The following PLAGL1 variants were observed in gnomAD, a reference collection of about 807,000 sequenced individuals.
The protein encoded by PLAGL1 is zinc finger protein PLAGL1.
A neutral mutation model predicts 4.6 loss-of-function variants in PLAGL1; 1 was observed. The ratio of observed to expected loss-of-function variants is 0.22; its 90% CI spans 0.08 to 1.03. PLAGL1 has a LOEUF of 1.03. Ranked by LOEUF, PLAGL1 falls within the 50% of genes least tolerant of loss-of-function variation. The probability of loss-of-function intolerance (pLI) is 0.58; values close to 1 mark genes in which losing one functional copy is unlikely to be tolerated. For synonymous variants in PLAGL1, 240 were observed against 237.8 expected (o/e 1.01, Z -0.08); for missense variants, 464 against 570.4 (o/e 0.81, Z 1.90).
intron 1 of PLAGL1, chr6:144,037,720 T>C (rs1797357117): frequency 6.6e-6 from 1 of 152,202 alleles, no homozygotes; most frequent in Non-Finnish European, 1.5e-5. Flanking sequence ...TTTATTTCTA[T>C]ATTTTCTTAG....
At chr6:143,993,258 C>T (rs777398120) in intron 1 of PLAGL1, among the ~76,000 whole-genome samples, 2 of 151,328 alleles carry the variant, frequency 1.3e-5, no homozygotes, top group African/African-American at 2.4e-5. Context: ...GAGCCAAGAT[C>T]GCGCCACTGC....
chr6:143,992,999 A>AAC (rs918767522), intron 1 of PLAGL1, among the ~76,000 whole-genome samples: 1 of 149,432 alleles, frequency 6.7e-6, no homozygotes, highest in Non-Finnish European at 1.5e-5. Context: ...CAAACAAACA[A>AAC]ACACACACAC....
rs1235646039 is a variant in PLAGL1, at chr6:143,948,663, T to A, written c.-324-203A>T. On this transcript the variant is annotated intron_variant, in intron 6 of 7. Coordinates refer to ENST00000674357, the MANE Select transcript of PLAGL1 (RefSeq NM_001317162.2). The surrounding 1 kb of genome is among the most constrained non-coding windows in gnomAD (Gnocchi z 6.0). Reference sequence around the variant, plus strand: ...CAGAGGGTGAGGAGTCAAGCACTGATGGCCAGTGGAGCACACTTTCCCTCT... The same window carrying A: ...CAGAGGGTGAGGAGTCAAGCACTGAAGGCCAGTGGAGCACACTTTCCCTCT... 6.6e-6 allele frequency among the ~76,000 whole-genome samples: 1 copy of A among 152,148 alleles called. No individual in the cohort carries two copies. Among genetic ancestry groups the A allele is most frequent in the Admixed American group, 6.5e-5 (1 of 15,276 alleles).
In PLAGL1 at chr6:143,962,905, T is replaced by C. The variant is rs1783665498; in HGVS notation, c.-399+1882A>G. On this transcript the variant is annotated intron_variant, in intron 5 of 7. Transcript: ENST00000674357. This position sits in a 1 kb window ranked among gnomAD's most constrained non-coding sequence, Gnocchi z 5.3. ...GCTGAAGATGTACAAGGTTTGTTTTTGAAAAGCCTCTCGAATATGTTTTAT... is the reference window on the plus strand; with the variant it reads ...GCTGAAGATGTACAAGGTTTGTTTTCGAAAAGCCTCTCGAATATGTTTTAT... Among the ~76,000 whole-genome samples the C allele has an allele frequency of 6.6e-6, 1 of 152,284 alleles. No homozygotes were observed. Among genetic ancestry groups the C allele is most frequent in the Non-Finnish European group, 1.5e-5 (1 of 68,052 alleles).
At chr6:144,047,915 C>T (rs1798283029) in intron 1 of PLAGL1, among the ~76,000 whole-genome samples, 1 of 152,138 alleles carries the variant, frequency 6.6e-6, no homozygotes, top group Admixed American at 6.5e-5. Context: ...AAGGCAACTC[C>T]CTTCCTCCTA....
At chr6:143,943,620 CCTCT>C (rs1779129372) in intron 7 of PLAGL1, among the ~76,000 whole-genome samples, 2 of 151,520 alleles carry the variant, frequency 1.3e-5, no homozygotes, top group Admixed American at 6.6e-5. Flanking sequence ...TCAAATTTTC[CCTCT>C]AAGACACCTT....
intron 1 of PLAGL1, among the ~76,000 whole-genome samples, chr6:143,998,508 A>G (rs1792155208): frequency 6.6e-6 from 1 of 152,208 alleles, no homozygotes; most frequent in Non-Finnish European, 1.5e-5. Context: ...ACTTTGCAAA[A>G]TTGTAGCACA....
chr6:144,046,179 CT>C (rs1398892273), intron 1 of PLAGL1, among the ~76,000 whole-genome samples: 5 of 152,220 alleles, frequency 3.3e-5, no homozygotes, highest in Non-Finnish European at 5.9e-5. Flanking sequence ...CTGAAGCCTA[CT>C]TCTGTCAACT....
intron 1 of PLAGL1, among the ~76,000 whole-genome samples, chr6:144,042,577 C>T (rs1258057000): frequency 6.6e-6 from 1 of 152,090 alleles, no homozygotes; most frequent in African/African-American, 2.4e-5. Context: ...GTTACTGTAG[C>T]CTTATAGTAT....
In PLAGL1 at chr6:143,948,129, G is replaced by T. The variant is rs529372879; in HGVS notation, c.8C>A (p.Thr3Lys). The T allele has an allele frequency of 9.9e-6, 16 of 1,613,206 alleles. No individual in the cohort carries two copies. Among genetic ancestry groups the T allele is most frequent in the African/African-American group, 1.3e-5 (1 of 74,916 alleles). Residue 3 changes from threonine (T) to lysine (K), a missense_variant, in exon 7 of 8, where the codon ACG (threonine) becomes AAG (lysine). Around this residue, in one of 4 missense-constraint regions of PLAGL1, gnomAD observed 161 missense variants for 196.7 expected, o/e 0.82. Transcript: ENST00000674357. This position sits in a 1 kb window ranked among gnomAD's most constrained non-coding sequence, Gnocchi z 6.0. MATFPCQLCGKTF... is the reference protein window; with the variant it reads MAKFPCQLCGKTF... The stretch of plus-strand genomic sequence containing the variant: ...CTTGCCACATAACTGGCAGGGGAAC[G>T]TGGCCATGGGCTTTGCTTCTCACAC...
chr6:143,959,830 G>A lies in PLAGL1; in HGVS notation c.-325+639C>T, dbSNP rs969007148. On this transcript the variant is annotated intron_variant, in intron 6 of 7. Coordinates refer to ENST00000674357, the MANE Select transcript of PLAGL1 (RefSeq NM_001317162.2). The surrounding 1 kb of genome is among the most constrained non-coding windows in gnomAD (Gnocchi z 5.3). ...ATTAGCTTCTATTAATATCATTACT[G>A]GTGATGATGATAATGATGATGAACA... 2.0e-5 allele frequency among the ~76,000 whole-genome samples: 3 copies of A among 152,164 alleles called. No homozygotes were observed. Among genetic ancestry groups the A allele is most frequent in the Admixed American group, 6.5e-5 (1 of 15,280 alleles).
rs1781239919 is a variant in PLAGL1 at position 143,952,349 on chromosome 6, A to G, written c.-324-3889T>C. ...GTCATTCTGTTCTGTGACTTGACAT[A>G]GAAATTGCATTTGAGTCTTAAATAC... On this transcript the variant is annotated intron_variant, in intron 6 of 7. Transcript: ENST00000674357. The surrounding 1 kb of genome is among the most constrained non-coding windows in gnomAD (Gnocchi z 6.1). Among the ~76,000 whole-genome samples the G allele has an allele frequency of 6.6e-6, 1 of 152,248 alleles. No homozygotes were observed. The highest frequency in any genetic ancestry group is 6.5e-5 in the Admixed American group (1 of 15,280).
intron 1 of PLAGL1, among the ~76,000 whole-genome samples, chr6:144,021,256 A>G (rs1795959347): frequency 1.3e-5 from 2 of 152,220 alleles, no homozygotes; most frequent in Admixed American, 1.3e-4. Flanking sequence ...GATTTATTTG[A>G]TAACATTGTA....
intron 1 of PLAGL1, among the ~76,000 whole-genome samples, chr6:144,062,536 G>A (rs550375655): frequency 5.4e-4 from 81 of 149,452 alleles, no homozygotes; most frequent in African/African-American, 1.9e-3. Flanking sequence ...TTATATGTGT[G>A]GCTAGTACAG....
Position 143,963,777 on chromosome 6 carries a change from CT to C in PLAGL1, c.-399+1009del, listed in dbSNP as rs1276706659. 1.3e-5 allele frequency among the ~76,000 whole-genome samples: 2 copies of C among 152,232 alleles called. No homozygotes were observed. Among genetic ancestry groups the C allele is most frequent in the Non-Finnish European group, 2.9e-5 (2 of 68,046 alleles). ...TATTTCCTTCTCTTAATTCCCATAGCTACCTGCTGTTTGGGTGATGTTTTGC... is the reference window on the plus strand; with the variant it reads ...TATTTCCTTCTCTTAATTCCCATAGCACCTGCTGTTTGGGTGATGTTTTGC... On this transcript the variant is annotated intron_variant, in intron 5 of 7. Transcript: ENST00000674357. The surrounding 1 kb of genome is among the most constrained non-coding windows in gnomAD (Gnocchi z 6.1).
In PLAGL1 at chr6:144,027,292, A is replaced by AAAGAAAGAAAGAAAGT. The variant is rs752733300; in HGVS notation, c.-151+37175_-151+37176insACTTTCTTTCTTTCTT. Among the ~76,000 whole-genome samples the AAAGAAAGAAAGAAAGT allele has an allele frequency of 1.6e-3, 227 of 142,454 alleles. 4 individuals are homozygous for AAAGAAAGAAAGAAAGT. Among genetic ancestry groups the AAAGAAAGAAAGAAAGT allele is most frequent in the African/African-American group, 5.5e-3 (212 of 38,228 alleles). 93.5% of individuals were successfully genotyped at this position (142,454 alleles called of 152,430 possible). A position where few individuals can be genotyped will look rare whatever the true frequency, so the allele number is the denominator to read the frequency against. ...GAAAGAAAGAAAGAAAGAAAGAAAG[A>AAAGAAAGAAAGAAAGT]AAGTTATTTGATCTGAAGTACAATG... is the stretch of plus-strand genomic sequence containing the variant. On this transcript the variant is annotated intron_variant, in intron 1 of 3. Coordinates refer to the PLAGL1 transcript ENST00000437412. The surrounding 1 kb of genome is among the most constrained non-coding windows in gnomAD (Gnocchi z 5.8).
chr6:144,060,917 G>C (rs1490798507), intron 1 of PLAGL1, among the ~76,000 whole-genome samples: 1 of 152,228 alleles, frequency 6.6e-6, no homozygotes, highest in Non-Finnish European at 1.5e-5. Flanking sequence ...TATTTCTCTA[G>C]TAATATTTCA....
rs1006281332 is a variant in PLAGL1 at position 144,055,404 on chromosome 6, G to A, written c.-151+9064C>T. Among the ~76,000 whole-genome samples, 6 of 152,310 alleles carry A rather than the reference G, an allele frequency of 3.9e-5. No homozygotes were observed. Among genetic ancestry groups the A allele is most frequent in the African/African-American group, 1.4e-4 (6 of 41,570 alleles). On this transcript the variant is annotated intron_variant, in intron 1 of 3. Transcript: ENST00000437412. The surrounding 1 kb of genome is among the most constrained non-coding windows in gnomAD (Gnocchi z 5.0). ...CCACACTGGCATTCTTTAACATGATGAATTTTATTATACAGATGAGGCTTA... is the reference window on the plus strand; with the variant it reads ...CCACACTGGCATTCTTTAACATGATAAATTTTATTATACAGATGAGGCTTA...
rs549566130 is a variant in PLAGL1 at position 144,039,359 on chromosome 6, T to G, written c.-151+25109A>C. On this transcript the variant is annotated intron_variant, in intron 1 of 3. Coordinates refer to the PLAGL1 transcript ENST00000437412. The surrounding 1 kb of genome is among the most constrained non-coding windows in gnomAD (Gnocchi z 4.1). ...CAACACTTTGGGAGGCAGAAGTGGGTGGATCATTAGAGGCCCAAAGTTTGA... is the reference window on the plus strand; with the variant it reads ...CAACACTTTGGGAGGCAGAAGTGGGGGGATCATTAGAGGCCCAAAGTTTGA... Among the ~76,000 whole-genome samples the G allele has an allele frequency of 8.7e-4, 132 of 152,194 alleles. 1 individual carries two copies. The highest frequency in any genetic ancestry group is 1.5e-3 in the Non-Finnish European group (101 of 68,014).
Sources: allele counts gnomAD v4.1 joint callset (sites outside exome capture counted in the v4.1 genomes callset), GRCh38; gene constraint gnomAD v4.1.1; regional missense constraint gnomAD v4.1.1; non-coding constraint Gnocchi (gnomAD v3.1); transcripts MANE v1.5; gene names NCBI Gene and HGNC (gene_info 2026-07-23, HGNC 2026-07-21).